NEDD4: variants seen among roughly 807,000 people sequenced by gnomAD.
NEDD4 encodes NEDD4 E3 ubiquitin protein ligase, also known as E3 ubiquitin-protein ligase NEDD4.
In NEDD4, 99 loss-of-function variants were observed where a neutral mutation model predicts 144.9. The ratio of observed to expected loss-of-function variants is 0.68; its 90% CI spans 0.58 to 0.81. NEDD4 has a LOEUF of 0.81. Among genes scored for constraint, NEDD4 ranks in the 30% least tolerant of loss-of-function variants. The pLI is 0.00. For missense variants in NEDD4, 985 were observed against 1,065.9 expected (o/e 0.92, Z 1.06); for synonymous variants, 318 against 350.6 (o/e 0.91, Z 1.04).
chr15:55,981,312 G>A (rs373943992), intron 1 of NEDD4, among the ~76,000 whole-genome samples: 22 of 152,038 alleles, frequency 1.4e-4, no homozygotes, highest in East Asian at 5.8e-4. Context: ...TGATCCACCC[G>A]CCTCAGCCTC....
chr15:55,982,648 T>C (rs556655676), intron 1 of NEDD4, among the ~76,000 whole-genome samples: 3 of 152,352 alleles, frequency 2.0e-5, no homozygotes, highest in Admixed American at 2.0e-4. Flanking sequence ...TTCTGTATCA[T>C]AATTGGGTCA....
chr15:55,970,862 C>T (rs1464460509), intron 1 of NEDD4, among the ~76,000 whole-genome samples: 6 of 152,200 alleles, frequency 3.9e-5, no homozygotes, highest in Non-Finnish European at 7.3e-5. Context: ...AAATACCTAA[C>T]TCTTTAATGT....
At chr15:55,865,808 T>A (rs1162131007) in intron 8 of NEDD4, among the ~76,000 whole-genome samples, 2 of 151,600 alleles carry the variant, frequency 1.3e-5, no homozygotes, top group Non-Finnish European at 2.9e-5. Flanking sequence ...CAGGGAGAAA[T>A]GGATAGGGGT....
At chr15:55,905,102 AAAAAG>A (rs1409848100) in intron 5 of NEDD4, 6 of 324,266 alleles carry the variant, frequency 1.9e-5, no homozygotes, top group Non-Finnish European at 3.6e-5. Flanking sequence ...CAAAAAAAAA[AAAAAG>A]AAAAGAAAAG....
At chr15:55,875,474 T>A (rs559122281) in intron 5 of NEDD4, among the ~76,000 whole-genome samples, 1 of 151,876 alleles carries the variant, frequency 6.6e-6, no homozygotes, top group Non-Finnish European at 1.5e-5. Flanking sequence ...TGCACTACCA[T>A]GCCTGGCTGA....
At chr15:55,898,413 A>T (rs1221202996) in intron 5 of NEDD4, among the ~76,000 whole-genome samples, 1 of 152,214 alleles carries the variant, frequency 6.6e-6, no homozygotes, top group Non-Finnish European at 1.5e-5. Flanking sequence ...CTCAGGATTT[A>T]TGAAAGTTTT....
At chr15:55,906,425 A>C (rs1211655061) in intron 5 of NEDD4, among the ~76,000 whole-genome samples, 1 of 152,228 alleles carries the variant, frequency 6.6e-6, no homozygotes, top group East Asian at 1.9e-4. Context: ...AGTGTGGCAC[A>C]TATACACCAT....
chr15:55,944,314 A>T (rs2037067217), intron 4 of NEDD4, among the ~76,000 whole-genome samples: 1 of 152,250 alleles, frequency 6.6e-6, no homozygotes, highest in Non-Finnish European at 1.5e-5. Flanking sequence ...GGTCTTATCA[A>T]CTGGCAGACC....
chr15:55,894,147 T>C (rs2035662469), intron 5 of NEDD4, among the ~76,000 whole-genome samples: 1 of 152,170 alleles, frequency 6.6e-6, no homozygotes, highest in Non-Finnish European at 1.5e-5. Context: ...CTCTAGCCTT[T>C]CTGGTAGATC....
intron 5 of NEDD4, among the ~76,000 whole-genome samples, chr15:55,881,429 C>T (rs1254334682): frequency 6.6e-6 from 1 of 152,186 alleles, no homozygotes; most frequent in African/African-American, 2.4e-5. Context: ...GCATGAGCCA[C>T]AGTGCCCAGC....
At chr15:55,971,615 A>G (rs921350247) in intron 1 of NEDD4, among the ~76,000 whole-genome samples, 2 of 129,492 alleles carry the variant, frequency 1.5e-5, no homozygotes, top group Non-Finnish European at 3.2e-5. Context: ...ACACGGTGAG[A>G]CTCTGTCTCA....
chr15:55,991,600 A>G lies in NEDD4; in HGVS notation c.45+1911T>C, dbSNP rs1426641304. Reference sequence around the variant, plus strand: ...TCTTCCTATCTCACTCCCTTCCTCAATGTGGACAAAATAGAGCGGGGACAG... The same window carrying G: ...TCTTCCTATCTCACTCCCTTCCTCAGTGTGGACAAAATAGAGCGGGGACAG... On this transcript the variant is annotated intron_variant, in intron 1 of 28. Coordinates refer to ENST00000435532, the MANE Select transcript of NEDD4 (RefSeq NM_006154.4). Among the ~76,000 whole-genome samples, 7 of 152,194 alleles carry G rather than the reference A, an allele frequency of 4.6e-5. No individual in the cohort carries two copies. In the East Asian group the frequency reaches 1.3e-3, roughly 29 times the overall value.
chr15:55,954,191 C>T (rs993399949), intron 2 of NEDD4, among the ~76,000 whole-genome samples: 11 of 152,096 alleles, frequency 7.2e-5, no homozygotes, highest in Admixed American at 6.6e-4. Flanking sequence ...TTAGATACTA[C>T]TGACCATTTT....
At chr15:55,986,578 T>C (rs1288076207) in intron 1 of NEDD4, among the ~76,000 whole-genome samples, 1 of 140,594 alleles carries the variant, frequency 7.1e-6, no homozygotes, top group South Asian at 2.3e-4. Context: ...GGCCTGTCCT[T>C]GCTTTTTTTT....
chr15:55,886,524 T>TG (rs1474724046), intron 5 of NEDD4, among the ~76,000 whole-genome samples: 10 of 152,168 alleles, frequency 6.6e-5, no homozygotes, highest in Non-Finnish European at 8.8e-5. Flanking sequence ...CCCAGCACTT[T>TG]GGGAGGCCGA....
At chr15:55,955,846 C>T (rs7171308) in intron 2 of NEDD4, among the ~76,000 whole-genome samples, 2,134 of 141,812 alleles carry the variant, frequency 0.015, 64 homozygotes, top group African/African-American at 0.053. Context: ...GGCAGGGTCT[C>T]GCTTTGTCAC....
intron 21 of NEDD4, 85 bp downstream of exon 21, chr15:55,840,362 C>T: frequency 6.1e-6 from 7 of 1,143,182 alleles, no homozygotes; most frequent in East Asian, 2.5e-5. Flanking sequence ...TATTAATTTC[C>T]ATGTCATTAA....
chr15:55,876,796 T>C (rs575012681), intron 5 of NEDD4, among the ~76,000 whole-genome samples: 9 of 152,292 alleles, frequency 5.9e-5, no homozygotes, highest in African/African-American at 9.6e-5. Context: ...ATATGTTGCC[T>C]ATAAAAGACA....
At chr15:55,950,840 C>T (rs1304825585) in intron 4 of NEDD4, among the ~76,000 whole-genome samples, 3 of 152,116 alleles carry the variant, frequency 2.0e-5, no homozygotes, top group African/African-American at 7.2e-5. Context: ...TCTACCACTG[C>T]TCTGGTAGGG....
Sources: allele counts gnomAD v4.1 joint callset (sites outside exome capture counted in the v4.1 genomes callset), GRCh38; gene constraint gnomAD v4.1.1; transcripts MANE v1.5; gene names NCBI Gene and HGNC (gene_info 2026-07-23, HGNC 2026-07-21).